The following SH3D19 variants were observed in gnomAD, a reference collection of about 807,000 sequenced individuals.
The protein encoded by SH3D19 is SH3 domain-containing protein 19.
A neutral mutation model predicts 112.1 loss-of-function variants in SH3D19; 58 were observed. That is an observed-to-expected ratio of 0.52 (90% CI 0.42 to 0.64). The LOEUF (loss-of-function observed/expected upper bound fraction) is 0.64, where lower values mean the gene tolerates loss of function less well. SH3D19 is among the 30% of genes least tolerant of loss of function. The probability of loss-of-function intolerance (pLI) is 0.00; values close to 1 mark genes in which losing one functional copy is unlikely to be tolerated. For synonymous variants in SH3D19, 391 were observed against 448.5 expected (o/e 0.87, Z 1.62); for missense variants, 1,090 against 1,263.4 (o/e 0.86, Z 2.08).
chr4:151,244,974 A>C (rs10006091), intron 1 of SH3D19, among the ~76,000 whole-genome samples: 49,786 of 151,758 alleles, frequency 0.33, 9,509 homozygotes, highest in Non-Finnish European at 0.44. Flanking sequence ...GAAATCTCGT[A>C]TCTACTAAAA....
chr4:151,239,518 A>G (rs1770394030), intron 1 of SH3D19, among the ~76,000 whole-genome samples: 1 of 152,234 alleles, frequency 6.6e-6, no homozygotes, highest in African/African-American at 2.4e-5. Flanking sequence ...TTGAAGTGCT[A>G]CTTCAGAATT....
chr4:151,325,421 A>G lies in SH3D19; in HGVS notation c.-69T>C, dbSNP rs1029850747. 3.7e-5 allele frequency: 30 copies of G among 807,968 alleles called. No homozygotes were observed. In the South Asian group the frequency reaches 7.3e-4, roughly 20 times the overall value. 50.0% of individuals were successfully genotyped at this position (807,968 alleles called of 1,614,324 possible). A position where few individuals can be genotyped will look rare whatever the true frequency, so the allele number is the denominator to read the frequency against. On this transcript the variant is annotated 5_prime_UTR_variant, in exon 1 of 20. Coordinates refer to ENST00000604030, the MANE Select transcript of SH3D19 (RefSeq NM_001378122.1). ...GGCCCCGGCGCCCCAGAACGCCTGC[A>G]CCCGGCGCCCCACGCCACCGCCCTC...
intron 19 of SH3D19, among the ~76,000 whole-genome samples, chr4:151,123,736 T>C (rs1193029359): frequency 6.6e-6 from 1 of 152,224 alleles, no homozygotes; most frequent in East Asian, 1.9e-4. Flanking sequence ...AACTATTTTG[T>C]TCTTTATAGT....
chr4:151,153,551 C>T (rs970126431), intron 9 of SH3D19, among the ~76,000 whole-genome samples: 1 of 151,954 alleles, frequency 6.6e-6, no homozygotes, highest in Non-Finnish European at 1.5e-5. Flanking sequence ...CTGGCCCACA[C>T]CTTTAAGTCT....
At chr4:151,157,122 T>C (rs996618927) in intron 9 of SH3D19, among the ~76,000 whole-genome samples, 13 of 152,010 alleles carry the variant, frequency 8.6e-5, no homozygotes, top group African/African-American at 2.7e-4. Context: ...TGTGGTGGCA[T>C]GCGCCTATAG....
chr4:151,282,019 T>G, intron 1 of SH3D19: 4 of 897,786 alleles, frequency 4.5e-6, no homozygotes, highest in Non-Finnish European at 7.0e-6. Flanking sequence ...CTAGTTGAAG[T>G]TGGAAGCACC....
At chr4:151,258,099 C>T (rs1181191390) in intron 1 of SH3D19, among the ~76,000 whole-genome samples, 1 of 152,162 alleles carries the variant, frequency 6.6e-6, no homozygotes, top group Non-Finnish European at 1.5e-5. Context: ...TCCTGAGTTA[C>T]TTCCTTATTC....
intron 3 of SH3D19, among the ~76,000 whole-genome samples, chr4:151,186,606 G>C (rs993390574): frequency 6.7e-6 from 1 of 148,270 alleles, no homozygotes; most frequent in Non-Finnish European, 1.5e-5. Flanking sequence ...GCTAATTTTT[G>C]TATTTTTAGT....
rs1330094432 is a variant in SH3D19, at chr4:151,213,969, C to T, written c.152+12078G>A. Among the ~76,000 whole-genome samples the T allele has an allele frequency of 1.3e-4, 20 of 150,712 alleles. No homozygotes were observed. In the South Asian group the frequency reaches 4.3e-3, roughly 32 times the overall value. ...AGTGGAGGGAAGGTCAGCAGATAAA[C>T]AAGTGAACAAAGGTCTCTGGTTTTC... is the stretch of plus-strand genomic sequence containing the variant. On this transcript the variant is annotated intron_variant, in intron 2 of 19. Coordinates refer to ENST00000604030, the MANE Select transcript of SH3D19 (RefSeq NM_001378122.1).
intron 1 of SH3D19, among the ~76,000 whole-genome samples, chr4:151,293,728 T>G (rs1489960814): frequency 6.6e-6 from 1 of 152,200 alleles, no homozygotes; most frequent in Non-Finnish European, 1.5e-5. Flanking sequence ...AAAGGCATCC[T>G]CCTGCTGCTC....
chr4:151,303,935 G>T (rs2126340134), intron 1 of SH3D19, among the ~76,000 whole-genome samples: 2 of 144,574 alleles, frequency 1.4e-5, no homozygotes, highest in Admixed American at 7.0e-5. Flanking sequence ...ACCTTCTCTT[G>T]CTCTCTCATT....
chr4:151,242,776 G>A (rs917271521), intron 1 of SH3D19, among the ~76,000 whole-genome samples: 2 of 152,120 alleles, frequency 1.3e-5, no homozygotes, highest in African/African-American at 4.8e-5. Flanking sequence ...ATCTGGTTAT[G>A]AGAGCTTCAC....
intron 1 of SH3D19, among the ~76,000 whole-genome samples, chr4:151,264,581 G>A (rs879871585): frequency 2.6e-5 from 4 of 152,066 alleles, no homozygotes; most frequent in Admixed American, 2.0e-4. Flanking sequence ...CAAACAGAGA[G>A]TACAGGAAGA....
intron 1 of SH3D19, among the ~76,000 whole-genome samples, chr4:151,228,476 A>G (rs980387575): frequency 2.0e-5 from 3 of 152,124 alleles, no homozygotes; most frequent in Non-Finnish European, 4.4e-5. Flanking sequence ...CATATAAATA[A>G]TGGGGTGTGT....
intron 2 of SH3D19, among the ~76,000 whole-genome samples, chr4:151,213,337 A>T (rs971927135): frequency 6.6e-6 from 1 of 152,198 alleles, no homozygotes; most frequent in African/African-American, 2.4e-5. Flanking sequence ...GGCAAACTTC[A>T]TGGCTGTCTT....
intron 1 of SH3D19, among the ~76,000 whole-genome samples, chr4:151,294,760 A>C (rs1775584503): frequency 6.6e-6 from 1 of 152,264 alleles, no homozygotes. Context: ...TTGCAGTGGA[A>C]GACAGACAAT....
chr4:151,159,159 AT>A, intron 9 of SH3D19, 80 bp downstream of exon 9: 1 of 759,412 alleles, frequency 1.3e-6, no homozygotes. Context: ...CAGTAATAAA[AT>A]AATTTAGATA....
rs1352811211 is a variant in SH3D19, at chr4:151,320,966, G to A, written c.112+4275C>T. 5.3e-5 allele frequency among the ~76,000 whole-genome samples: 8 copies of A among 152,136 alleles called. No individual in the cohort carries two copies. The East Asian group carries it at 1.5e-3, about 29-fold the overall frequency. Reference sequence around the variant, plus strand: ...GAGGCAGGAGAAATCACTTGAATCTGGGAGGCAGAGGTTGCAGTGTGCTGA... The same window carrying A: ...GAGGCAGGAGAAATCACTTGAATCTAGGAGGCAGAGGTTGCAGTGTGCTGA... On this transcript the variant is annotated intron_variant, in intron 1 of 19. Coordinates refer to ENST00000604030, the MANE Select transcript of SH3D19 (RefSeq NM_001378122.1).
intron 3 of SH3D19, among the ~76,000 whole-genome samples, chr4:151,180,411 C>CA (rs1760674825): frequency 7.6e-6 from 1 of 130,768 alleles, no homozygotes; most frequent in Admixed American, 8.3e-5. Context: ...ATTTTTTTTT[C>CA]TTTTTTTTTT....
Sources: allele counts gnomAD v4.1 joint callset (sites outside exome capture counted in the v4.1 genomes callset), GRCh38; gene constraint gnomAD v4.1.1; transcripts MANE v1.5; gene names NCBI Gene and HGNC (gene_info 2026-07-23, HGNC 2026-07-21).